CCDC18: variants seen among roughly 807,000 people sequenced by gnomAD.
CCDC18 encodes coiled-coil domain containing 18.
CCDC18 carries 157 observed loss-of-function variants against 196.0 expected under a neutral mutation model. The observed-to-expected ratio is 0.80, with a 90% CI of 0.70 to 0.91. The LOEUF (loss-of-function observed/expected upper bound fraction) is 0.91, where lower values mean the gene tolerates loss of function less well. CCDC18 is among the 40% of genes least tolerant of loss of function. CCDC18 has a pLI of 0.00. For synonymous variants in CCDC18, 482 were observed against 529.2 expected, an observed-to-expected ratio of 0.91 and a Z score of 1.22; for missense variants, 1,465 against 1,611.6, an observed-to-expected ratio of 0.91 and a Z score of 1.56.
At chr1:93,265,959 A>G (rs1414914809) in intron 27 of CCDC18, among the ~76,000 whole-genome samples, 2 of 152,242 alleles carry the variant, frequency 1.3e-5, no homozygotes, top group Admixed American at 6.5e-5. Context: ...AGACATCGAC[A>G]GAACTCTCCA....
Position 93,226,513 on chromosome 1 carries a change from A to T in CCDC18, c.2292+64A>T, listed in dbSNP as rs72959204. 0.031 allele frequency: 19,093 copies of T among 614,698 alleles called. 2,618 individuals are homozygous for T. The African/African-American group carries it at 0.34, about 11-fold the overall frequency. The allele number at this position is 614,698 out of a possible 1,614,324, so 38.1% of individuals were successfully genotyped here. On this transcript the variant is annotated intron_variant, in intron 17 of 28. Coordinates refer to ENST00000690025, the MANE Select transcript of CCDC18 (RefSeq NM_001378204.1). ...AGTGATTTTTTTTAAGAAGCATGAG[A>T]TGTAGGACAAAATATATATATATAT...
rs1367219005 is a variant in CCDC18 at position 93,270,396 on chromosome 1, C to G, written c.3935C>G (p.Ala1312Gly). Residue 1312 changes from alanine to glycine, a missense_variant, in exon 28 of 29, where the codon GCA becomes GGA. Coordinates refer to ENST00000690025, the MANE Select transcript of CCDC18 (RefSeq NM_001378204.1). ...LQAKISGHEKAEDIKFLPAPF... is the reference protein window; with the variant it reads ...LQAKISGHEKGEDIKFLPAPF... ...GCCAAAATTTCTGGACATGAAAAGG[C>G]AGAAGACATCAAGTTTCTGCCAGCC... is the stretch of plus-strand genomic sequence containing the variant. 1.9e-6 allele frequency: 3 copies of G among 1,550,196 alleles called. No homozygotes were observed. Among genetic ancestry groups the G allele is most frequent in the Non-Finnish European group, 1.7e-6 (2 of 1,146,750 alleles).
intron 23 of CCDC18, among the ~76,000 whole-genome samples, chr1:93,253,151 C>A (rs186363151): frequency 1.3e-5 from 2 of 152,302 alleles, no homozygotes; most frequent in African/African-American, 4.8e-5. Flanking sequence ...GCACACATAG[C>A]CCAGCAAGCT....
chr1:93,252,224 A>G (rs1004347684), intron 23 of CCDC18, among the ~76,000 whole-genome samples: 1 of 152,084 alleles, frequency 6.6e-6, no homozygotes, highest in Admixed American at 6.6e-5. Context: ...AATTTATTTT[A>G]AGTGATGGAG....
At chr1:93,196,713 T>C (rs1284884128) in intron 6 of CCDC18, among the ~76,000 whole-genome samples, 1 of 152,232 alleles carries the variant, frequency 6.6e-6, no homozygotes, top group African/African-American at 2.4e-5. Context: ...TGGATGTGTA[T>C]ATGGAACCAT....
intron 25 of CCDC18, among the ~76,000 whole-genome samples, chr1:93,258,291 T>C (rs995753505): frequency 6.6e-6 from 1 of 152,082 alleles, no homozygotes; most frequent in African/African-American, 2.4e-5. Context: ...TGCATTTGCT[T>C]ATTTCATCAT....
At chr1:93,261,315 G>T (rs959899974) in intron 26 of CCDC18, among the ~76,000 whole-genome samples, 1 of 151,950 alleles carries the variant, frequency 6.6e-6, no homozygotes, top group African/African-American at 2.4e-5. Flanking sequence ...TTTAAAAATA[G>T]AATAGTATAA....
intron 13 of CCDC18, among the ~76,000 whole-genome samples, chr1:93,217,009 A>G (rs1411726072): frequency 2.2e-5 from 3 of 139,520 alleles, no homozygotes; most frequent in Non-Finnish European, 4.5e-5. Flanking sequence ...ATCTCGGCTC[A>G]CTGCAAGCTC....
chr1:93,183,500 G>A lies in CCDC18; in HGVS notation c.134+5G>A. ...TTTAGGGGAAGAGTTATCCAGGTAA[G>A]TAAGTAAAATCACATATAGAATTCA... On this transcript the variant is annotated splice_donor_5th_base_variant and intron_variant, in intron 2 of 28. Transcript: ENST00000690025. The A allele has an allele frequency of 1.3e-6, 2 of 1,577,420 alleles. No homozygotes were observed. The highest frequency in any genetic ancestry group is 1.7e-6 in the Non-Finnish European group (2 of 1,162,964).
intron 25 of CCDC18, among the ~76,000 whole-genome samples, chr1:93,256,756 A>G (rs1170256522): frequency 2.0e-5 from 3 of 152,218 alleles, no homozygotes; most frequent in African/African-American, 7.2e-5. Context: ...TGTTATATAT[A>G]GATAACTTTG....
intron 24 of CCDC18, 55 bp downstream of exon 24, chr1:93,254,669 G>T: frequency 6.7e-7 from 1 of 1,491,720 alleles, no homozygotes. Flanking sequence ...TGAGTGAAAT[G>T]AATCTTTATG....
chr1:93,247,381 A>G (rs539394370), intron 23 of CCDC18, among the ~76,000 whole-genome samples: 1 of 152,096 alleles, frequency 6.6e-6, no homozygotes, highest in South Asian at 2.1e-4. Flanking sequence ...GTATCTTGCA[A>G]CTTGACTGAA....
chr1:93,249,536 G>A (rs1182270038), intron 23 of CCDC18, among the ~76,000 whole-genome samples: 1 of 152,102 alleles, frequency 6.6e-6, no homozygotes, highest in Non-Finnish European at 1.5e-5. Context: ...GGGAAAGGCA[G>A]TTCAAGACCA....
rs759641874 is a variant in CCDC18, at chr1:93,236,361, A to C, written c.2574A>C (p.Gln858His). Residue 858 changes from glutamine to histidine, a missense_variant, in exon 19 of 29, where the codon CAA becomes CAC. Physicochemically the swap from Gln to His is conservative, Grantham distance 24. Coordinates refer to ENST00000690025, the MANE Select transcript of CCDC18 (RefSeq NM_001378204.1). ...CACATGAAGCAGATTTGAAAAGGCA[A>C]AAAGTGATTGAGCTTACTGGCACTG... Reference protein sequence around the residue: ...SAAHEADLKRQKVIELTGTAR... With the variant: ...SAAHEADLKRHKVIELTGTAR... 2 of 1,592,180 alleles carry C rather than the reference A, an allele frequency of 1.3e-6. No individual in the cohort carries two copies. Among genetic ancestry groups the C allele is most frequent in the Non-Finnish European group, 1.7e-6 (2 of 1,173,204 alleles).
In CCDC18 at chr1:93,240,898, G is replaced by A. The variant is rs145724370; in HGVS notation, c.2981+1002G>A. On this transcript the variant is annotated intron_variant, in intron 21 of 28. Transcript: ENST00000690025. ...ACCACAAATATATAAGATTTTTCTT[G>A]TTCTCTCTTTCCATCCCTTTTTTCA... is the stretch of plus-strand genomic sequence containing the variant. 5.1e-4 allele frequency among the ~76,000 whole-genome samples: 78 copies of A among 152,160 alleles called. No homozygotes were observed. The East Asian group carries it at 0.013, about 26-fold the overall frequency.
intron 28 of CCDC18, among the ~76,000 whole-genome samples, chr1:93,276,200 T>A (rs1263974838): frequency 2.0e-5 from 3 of 152,230 alleles, no homozygotes; most frequent in Admixed American, 6.5e-5. Flanking sequence ...TAATAAGTGT[T>A]AGCTCCCTTG....
chr1:93,262,456 A>C (rs1313238175), intron 26 of CCDC18: 1 of 152,258 alleles, frequency 6.6e-6, no homozygotes, highest in Non-Finnish European at 1.5e-5. Flanking sequence ...AAATTTGCCA[A>C]AACAAAGAGG....
intron 26 of CCDC18, among the ~76,000 whole-genome samples, chr1:93,263,201 T>A (rs535760): frequency 0.47 from 71,847 of 151,846 alleles, 20,169 homozygotes; most frequent in African/African-American, 0.79. Context: ...TGGCCTGGAG[T>A]CATTTTCCCC....
intron 26 of CCDC18, among the ~76,000 whole-genome samples, chr1:93,260,500 TA>T (rs1201900436): frequency 6.6e-6 from 1 of 152,188 alleles, no homozygotes; most frequent in African/African-American, 2.4e-5. Context: ...TGGAAGTTGA[TA>T]AAAATTTACT....
Sources: gnomAD v4.1 joint callset for allele counts (sites outside exome capture counted in the v4.1 genomes callset) on GRCh38, gnomAD v4.1.1 for gene constraint, MANE v1.5 for transcripts, NCBI Gene and HGNC (gene_info 2026-07-23, HGNC 2026-07-21) for gene names.